FAF2: variants seen among roughly 807,000 people sequenced by gnomAD.
The protein encoded by FAF2 is Fas associated factor family member 2, also known as FAS-associated factor 2.
FAF2 carries 9 observed loss-of-function variants against 62.3 expected under a neutral mutation model. The observed-to-expected ratio is 0.14, with a 90% CI of 0.09 to 0.25. FAF2 has a LOEUF of 0.25. FAF2 is among the 10% of genes least tolerant of loss of function. The pLI, the probability that FAF2 is intolerant of heterozygous loss-of-function variation, is 1.00. For missense variants in FAF2, 368 were observed against 556.2 expected (o/e 0.66, Z 3.40); for synonymous variants, 202 against 198.0 (o/e 1.02, Z -0.17).
intron 1 of FAF2, among the ~76,000 whole-genome samples, chr5:176,476,995 A>G (rs368843870): frequency 6.2e-4 from 93 of 150,858 alleles, no homozygotes; most frequent in African/African-American, 2.1e-3. Flanking sequence ...ATTTTTAGTG[A>G]GACGGGGTTT....
Position 176,491,583 on chromosome 5 carries a change from A to G in FAF2, c.345-611A>G, listed in dbSNP as rs77598559. ...AATATTTAAAATCCCAGGAAAACAGAAAGGAGAAGGAGGGGCAAGTAGGAC... is the reference window on the plus strand; with the variant it reads ...AATATTTAAAATCCCAGGAAAACAGGAAGGAGAAGGAGGGGCAAGTAGGAC... On this transcript the variant is annotated intron_variant, in intron 4 of 10. Transcript: ENST00000261942. 5.3e-4 allele frequency among the ~76,000 whole-genome samples: 81 copies of G among 152,318 alleles called. 1 individual carries two copies. The highest frequency in any genetic ancestry group is 1.9e-3 in the African/African-American group (79 of 41,574).
rs1207051339 is a variant in FAF2, at chr5:176,486,398, G to C, written c.176G>C (p.Ser59Thr). 1.2e-6 allele frequency: 2 copies of C among 1,614,098 alleles called. No individual in the cohort carries two copies. Among genetic ancestry groups the C allele is most frequent in the African/African-American group, 1.3e-5 (1 of 74,940 alleles). Residue 59 changes from serine (S) to threonine (T), a missense_variant, in exon 3 of 11, where the codon AGT becomes ACT. Physicochemically the swap from Ser to Thr is moderately conservative, Grantham distance 58 (BLOSUM62 1). Coordinates refer to ENST00000261942, the MANE Select transcript of FAF2 (RefSeq NM_014613.3). ...TTGAATGAGCAAGAGGGCGTACCTAGTGTTTTCAACCCACCTCCATCACGA... is the reference window on the plus strand; with the variant it reads ...TTGAATGAGCAAGAGGGCGTACCTACTGTTTTCAACCCACCTCCATCACGA... The part of the protein sequence containing the change: ...DRLNEQEGVP[S>T]VFNPPPSRPL...
At chr5:176,468,777 C>A (rs1311680086) in intron 1 of FAF2, among the ~76,000 whole-genome samples, 17 of 144,324 alleles carry the variant, frequency 1.2e-4, no homozygotes, top group Non-Finnish European at 1.5e-4. Context: ...ATCTAGCCCC[C>A]AAAAAAACAA....
intron 1 of FAF2, among the ~76,000 whole-genome samples, chr5:176,460,334 A>G (rs1203245810): frequency 6.6e-6 from 1 of 152,066 alleles, no homozygotes; most frequent in Non-Finnish European, 1.5e-5. Context: ...ACAGTGGCTA[A>G]ACTAACTTAC....
intron 1 of FAF2, among the ~76,000 whole-genome samples, chr5:176,465,806 G>A (rs1758457908): frequency 6.6e-6 from 1 of 152,152 alleles, no homozygotes. Flanking sequence ...GCAGTGAACC[G>A]AGATCGTGCC....
chr5:176,493,983 C>G lies in FAF2; in HGVS notation c.484-16C>G. On this transcript the variant is annotated splice_polypyrimidine_tract_variant and intron_variant, in intron 5 of 10. Transcript: ENST00000261942. Reference sequence around the variant, plus strand: ...CACAGTCTTCTTAATAGTGAGTGACCTTCTCTTTCTCACAGGCACTTAACG... The same window carrying G: ...CACAGTCTTCTTAATAGTGAGTGACGTTCTCTTTCTCACAGGCACTTAACG... 1 of 1,594,818 alleles carries G rather than the reference C, an allele frequency of 6.3e-7. No individual in the cohort carries two copies. The highest frequency in any genetic ancestry group is 8.6e-7 in the Non-Finnish European group (1 of 1,164,086).
intron 3 of FAF2, among the ~76,000 whole-genome samples, chr5:176,487,213 C>T (rs1758887074): frequency 6.6e-6 from 1 of 152,142 alleles, no homozygotes; most frequent in African/African-American, 2.4e-5. Context: ...GAGACAGGGT[C>T]TCACTCTGTC....
At chr5:176,502,805 T>C (rs1353226766) in intron 10 of FAF2, among the ~76,000 whole-genome samples, 1 of 152,034 alleles carries the variant, frequency 6.6e-6, no homozygotes, top group African/African-American at 2.4e-5. Context: ...ATCCCAGCAC[T>C]TTGGGGGGCC....
At chr5:176,500,407 A>G (rs957017749) in intron 10 of FAF2, among the ~76,000 whole-genome samples, 62 of 152,188 alleles carry the variant, frequency 4.1e-4, no homozygotes, top group African/African-American at 1.4e-3. Context: ...GCTAAGAAAA[A>G]AAGGTACCTT....
intron 1 of FAF2, among the ~76,000 whole-genome samples, chr5:176,455,586 C>T (rs1259373751): frequency 6.6e-6 from 1 of 152,094 alleles, no homozygotes; most frequent in African/African-American, 2.4e-5. Context: ...CCCATCTCTA[C>T]TAAAATACAA....
Position 176,493,359 on chromosome 5 carries a change from C to T in FAF2, c.484-640C>T, listed in dbSNP as rs562140401. Among the ~76,000 whole-genome samples the T allele has an allele frequency of 2.0e-5, 3 of 152,362 alleles. No individual in the cohort carries two copies. In the South Asian group the frequency reaches 6.2e-4, roughly 32 times the overall value. ...GTGAGATGAGCACCTCCTGTGTACC[C>T]TCTCTGCTATGATCCTGAGGGTAGA... On this transcript the variant is annotated intron_variant, in intron 5 of 10. Coordinates refer to ENST00000261942, the MANE Select transcript of FAF2 (RefSeq NM_014613.3).
At chr5:176,479,428 A>G (rs1158063282) in intron 2 of FAF2, among the ~76,000 whole-genome samples, 172 bp downstream of exon 2, 2 of 152,196 alleles carry the variant, frequency 1.3e-5, no homozygotes, top group African/African-American at 2.4e-5. Flanking sequence ...AAAATCATAG[A>G]AAAATTTGTG....
intron 5 of FAF2, 133 bp downstream of exon 5, chr5:176,492,465 G>A: frequency 9.8e-7 from 1 of 1,016,122 alleles, no homozygotes; most frequent in Non-Finnish European, 1.4e-6. Context: ...TTATAGGGGT[G>A]GGTAATAAAA....
At chr5:176,464,214 T>TTGGGA (rs1018946838) in intron 1 of FAF2, among the ~76,000 whole-genome samples, 3 of 152,006 alleles carry the variant, frequency 2.0e-5, no homozygotes, top group African/African-American at 7.2e-5. Flanking sequence ...TCCCAAAGTG[T>TTGGGA]TGGGATTACA....
chr5:176,498,008 G>A (rs1267731788), intron 8 of FAF2, among the ~76,000 whole-genome samples: 1 of 152,132 alleles, frequency 6.6e-6, no homozygotes, highest in Non-Finnish European at 1.5e-5. Flanking sequence ...AAATTAGCTA[G>A]GCGTGGTGGC....
chr5:176,485,818 A>G (rs895398080), intron 2 of FAF2, among the ~76,000 whole-genome samples: 5 of 151,618 alleles, frequency 3.3e-5, no homozygotes, highest in African/African-American at 1.2e-4. Flanking sequence ...CAATCCTCTC[A>G]CCTCAGCCTC....
rs768132377 is a variant in FAF2 at position 176,492,288 on chromosome 5, T to C, written c.439T>C (p.Tyr147His). 12 of 1,614,098 alleles carry C rather than the reference T, an allele frequency of 7.4e-6. No individual in the cohort carries two copies. Among genetic ancestry groups the C allele is most frequent in the Non-Finnish European group, 1.0e-5 (12 of 1,180,006 alleles). Reference protein sequence around the residue: ...VSFMHSFEEKYGRAHPVFYQG... With the variant: ...VSFMHSFEEKHGRAHPVFYQG... ...ATTTATGCACTCTTTTGAAGAGAAA[T>C]ATGGGAGGGCACACCCTGTCTTCTA... The change falls in exon 5 of 11, where the codon TAT becomes CAT. Residue 147 changes from tyrosine to histidine, a missense_variant. This residue lies in a region of FAF2 where 331 missense variants were observed against 441.9 expected (regional missense o/e 0.75). Coordinates refer to ENST00000261942, the MANE Select transcript of FAF2 (RefSeq NM_014613.3).
At chr5:176,467,512 A>G (rs1758491312) in intron 1 of FAF2, among the ~76,000 whole-genome samples, 1 of 152,018 alleles carries the variant, frequency 6.6e-6, no homozygotes, top group African/African-American at 2.4e-5. Flanking sequence ...TTTTGTATTT[A>G]TACAGAACCG....
chr5:176,452,735 TA>T (rs1758211299), intron 1 of FAF2, among the ~76,000 whole-genome samples: 1 of 152,242 alleles, frequency 6.6e-6, no homozygotes, highest in Non-Finnish European at 1.5e-5. Context: ...AAAGGTAAAT[TA>T]AAGCCAGATT....
Sources: allele counts gnomAD v4.1 joint callset (sites outside exome capture counted in the v4.1 genomes callset), GRCh38; gene constraint gnomAD v4.1.1; regional missense constraint gnomAD v4.1.1; transcripts MANE v1.5; gene names NCBI Gene and HGNC (gene_info 2026-07-23, HGNC 2026-07-21).